Variants in XXYLT1 observed in about 807,000 individuals in gnomAD.
The protein encoded by XXYLT1 is UDP-xylose:alpha-xyloside alpha-1,3-xylosyltransferase.
A neutral mutation model predicts 28.9 loss-of-function variants in XXYLT1; 20 were observed. The ratio of observed to expected loss-of-function variants is 0.69; its 90% confidence interval spans 0.49 to 1.00. XXYLT1 has a LOEUF of 1.00. Ranked by LOEUF, XXYLT1 falls within the 50% of genes least tolerant of loss-of-function variation. The pLI is 0.00. For synonymous variants in XXYLT1, 257 were observed against 253.8 expected (o/e 1.01, Z -0.12); for missense variants, 542 against 560.1 (o/e 0.97, Z 0.33).
At chr3:195,086,632 C>T (rs898627763) in intron 3 of XXYLT1, among the ~76,000 whole-genome samples, 4 of 151,820 alleles carry the variant, frequency 2.6e-5, no homozygotes, top group African/African-American at 7.3e-5. Context: ...AGGTTTGAAG[C>T]GAGGTATGAG....
intron 2 of XXYLT1, chr3:195,184,842 T>C: frequency 1.0e-6 from 1 of 983,636 alleles, no homozygotes; most frequent in Non-Finnish European, 1.2e-6. Flanking sequence ...ATCATTCTCA[T>C]TCATCTTTAC....
At chr3:195,103,929 C>T (rs985700495) in intron 3 of XXYLT1, among the ~76,000 whole-genome samples, 6 of 152,232 alleles carry the variant, frequency 3.9e-5, no homozygotes, top group African/African-American at 1.4e-4. Flanking sequence ...ACCCTGTGGC[C>T]TCTCCAACGA....
chr3:195,161,594 C>G (rs549464754), intron 2 of XXYLT1, among the ~76,000 whole-genome samples: 17 of 151,548 alleles, frequency 1.1e-4, no homozygotes, highest in African/African-American at 4.1e-4. Context: ...CTTGTATCAC[C>G]GAATCATCTA....
intron 2 of XXYLT1, among the ~76,000 whole-genome samples, chr3:195,161,907 C>T (rs1416707589): frequency 6.6e-6 from 1 of 152,070 alleles, no homozygotes; most frequent in East Asian, 1.9e-4. Context: ...TGTGAGCCAC[C>T]ACGCCCAGCC....
chr3:195,119,005 C>T (rs545072495), intron 3 of XXYLT1, among the ~76,000 whole-genome samples: 53 of 152,092 alleles, frequency 3.5e-4, no homozygotes, highest in African/African-American at 1.2e-3. Context: ...AGCCCAGGCG[C>T]GGTGGCTCAT....
chr3:195,181,010 C>T (rs1217877612), intron 2 of XXYLT1, among the ~76,000 whole-genome samples: 2 of 152,180 alleles, frequency 1.3e-5, no homozygotes, highest in Non-Finnish European at 2.9e-5. Context: ...TGACTCCAGG[C>T]CGTGAGAGGG....
At chr3:195,073,312 G>A (rs540164752) in intron 3 of XXYLT1, among the ~76,000 whole-genome samples, 41 of 152,340 alleles carry the variant, frequency 2.7e-4, no homozygotes, top group African/African-American at 9.9e-4. Flanking sequence ...TACGAGGCAG[G>A]GCAGTGAGTG....
At chr3:195,194,170 G>A (rs1234688345) in intron 2 of XXYLT1, among the ~76,000 whole-genome samples, 1 of 151,514 alleles carries the variant, frequency 6.6e-6, no homozygotes, top group African/African-American at 2.4e-5. Context: ...TAAAGAACTT[G>A]CATCCAGGTT....
chr3:195,125,573 C>T (rs2108620841), intron 3 of XXYLT1, among the ~76,000 whole-genome samples: 1 of 152,336 alleles, frequency 6.6e-6, no homozygotes, highest in African/African-American at 2.4e-5. Context: ...CCCTCCCCAC[C>T]ACCTGATTCA....
rs573317954 is a variant in XXYLT1, at chr3:195,257,403, G to T, written c.504+13152C>A. ...AGCTCGGCAGGAGCCAGGGGAAAGG[G>T]GCTCACCAGGGTGGAGGTGAGAGGT... On this transcript the variant is annotated intron_variant, in intron 1 of 3. Coordinates refer to ENST00000310380, the MANE Select transcript of XXYLT1 (RefSeq NM_152531.5). The surrounding 1 kb of genome is among the most constrained non-coding windows in gnomAD (Gnocchi z 4.3). Among the ~76,000 whole-genome samples, 6 of 152,254 alleles carry T rather than the reference G, an allele frequency of 3.9e-5. No individual in the cohort carries two copies. The highest frequency in any genetic ancestry group is 8.8e-5 in the Non-Finnish European group (6 of 68,038).
rs1723195481 is a variant in XXYLT1, at chr3:195,209,050, C to G, written c.652+17659G>C. ...AAAATACTGTACCTGACTCCCCCAACCCAAGACAGAAGGGAAGCCATCGCC... is the reference window on the plus strand; with the variant it reads ...AAAATACTGTACCTGACTCCCCCAAGCCAAGACAGAAGGGAAGCCATCGCC... On this transcript the variant is annotated intron_variant, in intron 2 of 3. Coordinates refer to ENST00000310380, the MANE Select transcript of XXYLT1 (RefSeq NM_152531.5). This position sits in a 1 kb window ranked among gnomAD's most constrained non-coding sequence, Gnocchi z 5.0. 6.6e-6 allele frequency among the ~76,000 whole-genome samples: 1 copy of G among 152,214 alleles called. No homozygotes were observed. Among genetic ancestry groups the G allele is most frequent in the Non-Finnish European group, 1.5e-5 (1 of 68,034 alleles).
rs374464105 is a variant in XXYLT1 at position 195,069,985 on chromosome 3, C to T, written c.912G>A (p.Pro304=). The change falls in exon 4 of 4, where the codon CCG becomes CCA. Residue 304 remains proline (P), a synonymous_variant. Coordinates refer to ENST00000310380, the MANE Select transcript of XXYLT1 (RefSeq NM_152531.5). ...CCGGCTCCAGCAGGCGGCTGTAGAG[C>T]GGGGACTGGCGCATGGCCTCCAGGT... is the stretch of plus-strand genomic sequence containing the variant. ...LLNLEAMRQS[P]LYSRLLEPAQ... 41 of 1,609,032 alleles carry T rather than the reference C, an allele frequency of 2.5e-5. No homozygotes were observed. The highest frequency in any genetic ancestry group is 2.5e-4 in the African/African-American group (19 of 75,048).
chr3:195,125,594 G>A (rs375096517), intron 3 of XXYLT1, among the ~76,000 whole-genome samples: 11 of 152,342 alleles, frequency 7.2e-5, no homozygotes, highest in South Asian at 4.1e-4. Context: ...AAACTCTTTC[G>A]GTGGGGGGTC....
Position 195,071,332 on chromosome 3 carries a change from G to A in XXYLT1, c.786-1221C>T, listed in dbSNP as rs191582928. ...CACCCAAACCCAGGATAGGATCTGC[G>A]TGATGAAGCAGAAGGTACGGGGGAA... On this transcript the variant is annotated intron_variant, in intron 3 of 3. Transcript: ENST00000310380. Among the ~76,000 whole-genome samples the A allele has an allele frequency of 3.3e-3, 497 of 152,322 alleles. 7 individuals are homozygous for A. Among genetic ancestry groups the A allele is most frequent in the Non-Finnish European group, 1.6e-3 (106 of 68,016 alleles).
At chr3:195,203,984 T>C (rs766187793) in intron 2 of XXYLT1, among the ~76,000 whole-genome samples, 2 of 152,192 alleles carry the variant, frequency 1.3e-5, no homozygotes, top group Non-Finnish European at 2.9e-5. Context: ...GCGAGGCAAG[T>C]GCTTTTAAAA....
chr3:195,260,361 G>A (rs1198292396), intron 1 of XXYLT1, among the ~76,000 whole-genome samples: 1 of 152,120 alleles, frequency 6.6e-6, no homozygotes, highest in African/African-American at 2.4e-5. Context: ...GACCGCAGCC[G>A]CGGAGCCCGC....
chr3:195,194,167 C>G (rs967590540), intron 2 of XXYLT1, among the ~76,000 whole-genome samples: 1 of 151,582 alleles, frequency 6.6e-6, no homozygotes, highest in Non-Finnish European at 1.5e-5. Context: ...TTATAAAGAA[C>G]TTGCATCCAG....
At chr3:195,156,644 C>A in intron 2 of XXYLT1, 63 bp from the exon 3 acceptor site, 1 of 1,586,220 alleles carries the variant, frequency 6.3e-7, no homozygotes. Flanking sequence ...CGGCCACGGA[C>A]AGAAAATGAA....
At position 195,110,272 on chromosome 3, in the gene XXYLT1, GTGTGT is replaced by G. The variant is rs1717495033; in HGVS notation, c.786-40166_786-40162del. ...TGGGTGAAGTGTGTGTGGGTGTGTG[GTGTGT>G]GTGGGGTGTATGTGTGCGTGTGTGG... On this transcript the variant is annotated intron_variant, in intron 3 of 3. Transcript: ENST00000310380. Among the ~76,000 whole-genome samples, 12 of 1,308 alleles carry G rather than the reference GTGTGT, an allele frequency of 9.2e-3. 2 individuals are homozygous for G. Among genetic ancestry groups the G allele is most frequent in the African/African-American group, 0.018 (6 of 334 alleles). The allele number at this position is 1,308 out of a possible 152,430, so 0.9% of individuals were successfully genotyped here.
Sources: allele counts gnomAD v4.1 joint callset (sites outside exome capture counted in the v4.1 genomes callset), GRCh38; gene constraint gnomAD v4.1.1; non-coding constraint Gnocchi (gnomAD v3.1); transcripts MANE v1.5; gene names NCBI Gene and HGNC (gene_info 2026-07-23, HGNC 2026-07-21).